The following SRGAP3 variants were observed in gnomAD, a reference collection of about 807,000 sequenced individuals.
SRGAP3 encodes the protein SLIT-ROBO Rho GTPase-activating protein 3.
SRGAP3 carries 39 observed loss-of-function variants against 121.1 expected under a neutral mutation model. The ratio of observed to expected loss-of-function variants is 0.32; its 90% CI spans 0.25 to 0.42. The LOEUF (loss-of-function observed/expected upper bound fraction) is 0.42, where lower values mean the gene tolerates loss of function less well. Among genes scored for constraint, SRGAP3 ranks in the 10% least tolerant of loss-of-function variants. The pLI is 1.00. For missense variants in SRGAP3, 1,213 were observed against 1,470.6 expected (o/e 0.82, Z 2.86); for synonymous variants, 601 against 570.0 (o/e 1.05, Z -0.77).
At chr3:9,048,613 A>G (rs1319401493) in intron 9 of SRGAP3, among the ~76,000 whole-genome samples, 1 of 152,166 alleles carries the variant, frequency 6.6e-6, no homozygotes, top group African/African-American at 2.4e-5. Context: ...TGAAGGCCTG[A>G]AGTTCAAGAC....
Position 8,999,769 on chromosome 3 carries a change from C to T in SRGAP3, c.2228-5246G>A, listed in dbSNP as rs530517879. On this transcript the variant is annotated intron_variant, in intron 18 of 21. Transcript: ENST00000383836. The stretch of plus-strand genomic sequence containing the variant: ...GTTCTTTCTTTGCATTCGGTGGTGG[C>T]ACCAGCTGATATTGAGATTTAGATT... Among the ~76,000 whole-genome samples, 3 of 152,186 alleles carry T rather than the reference C, an allele frequency of 2.0e-5. No individual in the cohort carries two copies. In the South Asian group the frequency reaches 6.2e-4, roughly 32 times the overall value.
chr3:9,068,123 G>A (rs542736748), intron 4 of SRGAP3, among the ~76,000 whole-genome samples: 45 of 152,144 alleles, frequency 3.0e-4, no homozygotes, highest in South Asian at 8.3e-4. Flanking sequence ...CCCCGTCTGC[G>A]TTCAATGATT....
intron 1 of SRGAP3, among the ~76,000 whole-genome samples, chr3:9,158,782 C>T (rs1476265831): frequency 6.6e-6 from 1 of 152,128 alleles, no homozygotes; most frequent in Non-Finnish European, 1.5e-5. Flanking sequence ...CTGTGGGACT[C>T]AACACTACAA....
chr3:9,007,683 T>TCACCTC (rs1192481050), intron 18 of SRGAP3: 15 of 152,268 alleles, frequency 9.9e-5, no homozygotes, highest in Admixed American at 5.2e-4. Flanking sequence ...TTCACATATG[T>TCACCTC]CACCTCATTT....
At chr3:9,255,022 G>GAGAA (rs57938026) in intron 3 of SRGAP3, among the ~76,000 whole-genome samples, 91,903 of 150,462 alleles carry the variant, frequency 0.61, 28,353 homozygotes, top group South Asian at 0.75. Context: ...GAAAAAGAAA[G>GAGAA]AGAAAGAAAG....
At chr3:9,199,673 A>T (rs775483841) in intron 1 of SRGAP3, among the ~76,000 whole-genome samples, 1 of 152,236 alleles carries the variant, frequency 6.6e-6, no homozygotes, top group Non-Finnish European at 1.5e-5. Flanking sequence ...AAAGAACTGC[A>T]TTCAGTTTTT....
chr3:9,305,363 C>CT lies in SRGAP3; in HGVS notation n.442+20646dup, dbSNP rs1210901472. Among the ~76,000 whole-genome samples, 612 of 96,706 alleles carry CT rather than the reference C, an allele frequency of 6.3e-3. 1 individual carries two copies. Among genetic ancestry groups the CT allele is most frequent in the East Asian group, 0.023 (75 of 3,220 alleles). The allele number at this position is 96,706 out of a possible 152,430, so 63.4% of individuals were successfully genotyped here. On this transcript the variant is annotated intron_variant and non_coding_transcript_variant, in intron 3 of 3. Transcript: ENST00000490889. ...CCACAGCCCTCACAGGAGGTCCTCT[C>CT]TTTTTTTTTTTTTTTTTTTTTAGAT...
In SRGAP3 at chr3:8,985,200, G is replaced by T; in HGVS notation, c.*319C>A. 2.1e-6 allele frequency: 1 copy of T among 465,254 alleles called. No homozygotes were observed. Among genetic ancestry groups the T allele is most frequent in the Non-Finnish European group, 3.9e-6 (1 of 255,780 alleles). The allele number at this position is 465,254 out of a possible 1,614,324, so 28.8% of individuals were successfully genotyped here. A position where few individuals can be genotyped will look rare whatever the true frequency, so the allele number is the denominator to read the frequency against. On this transcript the variant is annotated 3_prime_UTR_variant, in exon 22 of 22. Transcript: ENST00000383836. The surrounding 1 kb of genome is among the most constrained non-coding windows in gnomAD (Gnocchi z 5.1). ...TATACGTATGTAGAGAGAATGTCGA[G>T]AGAGGAAGTTTCCAGTGACGATATG...
chr3:9,247,150 A>G (rs1164392317), intron 1 of SRGAP3, among the ~76,000 whole-genome samples: 1 of 152,240 alleles, frequency 6.6e-6, no homozygotes, highest in East Asian at 1.9e-4. Context: ...CTTAATTTTT[A>G]TAAAATAATA....
At position 9,153,103 on chromosome 3, in the gene SRGAP3, G is replaced by A. The variant is rs188658574; in HGVS notation, c.68-28186C>T. On this transcript the variant is annotated intron_variant, in intron 1 of 21. Coordinates refer to ENST00000383836, the MANE Select transcript of SRGAP3 (RefSeq NM_014850.4). ...CCACCTGTGACAGCTGTAACGTTGC[G>A]TTTTATATCCTTACAATAAACTCTT... 1.4e-4 allele frequency among the ~76,000 whole-genome samples: 22 copies of A among 152,250 alleles called. No individual in the cohort carries two copies. In the South Asian group the frequency reaches 1.7e-3, roughly 11 times the overall value.
At chr3:9,269,570 T>G (rs1954434368) in intron 3 of SRGAP3, among the ~76,000 whole-genome samples, 1 of 152,226 alleles carries the variant, frequency 6.6e-6, no homozygotes, top group African/African-American at 2.4e-5. Context: ...AGACAAGGTT[T>G]ATTTGTAAGT....
At chr3:9,327,474 A>G (rs1426991208) in intron 2 of SRGAP3, among the ~76,000 whole-genome samples, 1 of 152,198 alleles carries the variant, frequency 6.6e-6, no homozygotes, top group Non-Finnish European at 1.5e-5. Context: ...CATTCTCTTT[A>G]CACACCTTGC....
At chr3:9,125,209 T>G (rs1255814103) in intron 1 of SRGAP3, among the ~76,000 whole-genome samples, 2 of 152,182 alleles carry the variant, frequency 1.3e-5, no homozygotes, top group African/African-American at 4.8e-5. Flanking sequence ...TCTTATTTCT[T>G]CCACATGATC....
intron 1 of SRGAP3, among the ~76,000 whole-genome samples, chr3:9,248,252 C>T (rs572783176): frequency 2.6e-5 from 4 of 152,362 alleles, no homozygotes; most frequent in African/African-American, 9.6e-5. Flanking sequence ...CGAGATAATA[C>T]ATTTTCTGCA....
chr3:9,235,383 G>A (rs1953369328), intron 1 of SRGAP3: 1 of 152,146 alleles, frequency 6.6e-6, no homozygotes, highest in African/African-American at 2.4e-5. Flanking sequence ...GGTTATTTCA[G>A]GTAGGGGCTT....
At chr3:9,354,554 C>T (rs889515666) in intron 1 of SRGAP3, among the ~76,000 whole-genome samples, 3 of 151,824 alleles carry the variant, frequency 2.0e-5, no homozygotes, top group Non-Finnish European at 4.4e-5. Context: ...TGGTGGCAGG[C>T]GCCTGTACTC....
At position 9,059,777 on chromosome 3, in the gene SRGAP3, CTG is replaced by C. The variant is rs1574999578; in HGVS notation, c.801+452_801+453del. On this transcript the variant is annotated intron_variant, in intron 6 of 21. Transcript: ENST00000383836. ...ACAAAGCTGATCTGTATAATTAAGT[CTG>C]TCTCATTCGCTACTTTCTTTCGCAT... The C allele has an allele frequency of 2.2e-5, 6 of 276,638 alleles. No homozygotes were observed. The East Asian group carries it at 5.3e-4, about 24-fold the overall frequency. 17.1% of individuals were successfully genotyped at this position (276,638 alleles called of 1,614,324 possible).
At position 9,348,420 on chromosome 3, in the gene SRGAP3, C is replaced by T. The variant is rs1488413932; in HGVS notation, n.214+14420G>A. On this transcript the variant is annotated intron_variant and non_coding_transcript_variant, in intron 1 of 3. Transcript: ENST00000490889. ...TCCAGAATCCGCGAACCCCAGTCAG[C>T]GTCGCATCCCCAGCCCGCCACCATG... The T allele has an allele frequency of 1.0e-4, 63 of 602,074 alleles. 2 individuals are homozygous for T. Among genetic ancestry groups the T allele is most frequent in the South Asian group, 9.9e-4 (54 of 54,794 alleles). The allele number at this position is 602,074 out of a possible 1,614,324, so 37.3% of individuals were successfully genotyped here.
At chr3:9,204,461 T>C (rs1181913514) in intron 1 of SRGAP3, among the ~76,000 whole-genome samples, 1 of 152,224 alleles carries the variant, frequency 6.6e-6, no homozygotes, top group Non-Finnish European at 1.5e-5. Flanking sequence ...TCTGAACTGA[T>C]CTCTGTTTCT....
Sources: gnomAD v4.1 joint callset for allele counts (sites outside exome capture counted in the v4.1 genomes callset) on GRCh38, gnomAD v4.1.1 for gene constraint, Gnocchi (gnomAD v3.1) non-coding constraint, MANE v1.5 for transcripts, NCBI Gene and HGNC (gene_info 2026-07-23, HGNC 2026-07-21) for gene names.